TMEM248: variants seen among roughly 807,000 people sequenced by gnomAD.
TMEM248 encodes the protein transmembrane protein 248, also known as UPF0458 protein C7orf42.
TMEM248 carries 9 observed loss-of-function variants against 30.3 expected under a neutral mutation model. That is an observed-to-expected ratio of 0.30 (90% CI 0.18 to 0.52). The LOEUF is 0.52. TMEM248 is among the 20% of genes least tolerant of loss of function. The pLI, the probability that TMEM248 is intolerant of heterozygous loss-of-function variation, is 0.97. For synonymous variants in TMEM248, 184 were observed against 154.4 expected, an observed-to-expected ratio of 1.19 and a Z score of -1.42; for missense variants, 338 against 403.3, an observed-to-expected ratio of 0.84 and a Z score of 1.39.
intron 6 of TMEM248, among the ~76,000 whole-genome samples, chr7:66,955,293 C>G (rs900778410): frequency 1.3e-5 from 2 of 152,272 alleles, no homozygotes; most frequent in Middle Eastern, 3.4e-3. Context: ...ATTCTGTCTC[C>G]GCACAGTGGT....
chr7:66,945,120 C>G lies in TMEM248; in HGVS notation c.304C>G (p.Gln102Glu), dbSNP rs1474933018. ...GGCCCGAGCTTCCACCCAGTCCCCC[C>G]AGGCCCTGGAGGACTCGGGCCCGGT... ...GQARASTQSPQALEDSGPVNI... is the reference protein window; with the variant it reads ...GQARASTQSPEALEDSGPVNI... The change falls in exon 3 of 7, where the codon CAG becomes GAG. Residue 102 changes from glutamine (Q) to glutamate (E), a missense_variant. Coordinates refer to ENST00000341567, the MANE Select transcript of TMEM248 (RefSeq NM_017994.5). The G allele has an allele frequency of 1.2e-6, 2 of 1,614,108 alleles. No individual in the cohort carries two copies. The highest frequency in any genetic ancestry group is 1.7e-6 in the Non-Finnish European group (2 of 1,180,064).
intron 4 of TMEM248, among the ~76,000 whole-genome samples, chr7:66,950,087 G>A (rs562430376): frequency 3.0e-4 from 45 of 152,096 alleles, no homozygotes; most frequent in African/African-American, 1.0e-3. Flanking sequence ...TGGGCTGGGC[G>A]CAATGGCTCA....
intron 1 of TMEM248, among the ~76,000 whole-genome samples, chr7:66,926,045 G>A (rs1791516088): frequency 6.6e-6 from 1 of 152,082 alleles, no homozygotes; most frequent in Non-Finnish European, 1.5e-5. Flanking sequence ...ATTCTCACCA[G>A]CATTTGTTTT....
chr7:66,944,997 C>T lies in TMEM248; in HGVS notation c.181C>T (p.Arg61Trp), dbSNP rs778740378. 3.7e-6 allele frequency: 6 copies of T among 1,614,128 alleles called. No individual in the cohort carries two copies. Among genetic ancestry groups the T allele is most frequent in the South Asian group, 1.1e-5 (1 of 91,080 alleles). Residue 61 changes from arginine (R) to tryptophan (W), a missense_variant, in exon 3 of 7, where the codon CGG becomes TGG. Transcript: ENST00000341567. ...AAAGGATTGGAATACTTTTCTGCTA[C>T]GGTTCAATGATTTGGACTTGTGTGT... ...MAEDWNTFLL[R>W]FNDLDLCVSE...
At position 66,958,310 on chromosome 7, in the gene TMEM248, G is replaced by A. The variant is rs1435001941; in HGVS notation, c.*2788G>A. On this transcript the variant is annotated 3_prime_UTR_variant, in exon 7 of 7. Coordinates refer to ENST00000341567, the MANE Select transcript of TMEM248 (RefSeq NM_017994.5). Reference sequence around the variant, plus strand: ...ATCAGTTTTGATTCTATTTGTAAGTGTTTCTTGTCGTGAGGCACCTGCCAT... The same window carrying A: ...ATCAGTTTTGATTCTATTTGTAAGTATTTCTTGTCGTGAGGCACCTGCCAT... 7.9e-5 allele frequency: 12 copies of A among 152,656 alleles called. No homozygotes were observed. Among genetic ancestry groups the A allele is most frequent in the African/African-American group, 2.9e-4 (12 of 41,466 alleles). The allele number at this position is 152,656 out of a possible 1,614,324, so 9.5% of individuals were successfully genotyped here.
At position 66,956,060 on chromosome 7, in the gene TMEM248, A is replaced by C. The variant is rs1017288486; in HGVS notation, c.*538A>C. 2 of 152,820 alleles carry C rather than the reference A, an allele frequency of 1.3e-5. No homozygotes were observed. Among genetic ancestry groups the C allele is most frequent in the Non-Finnish European group, 2.9e-5 (2 of 68,204 alleles). The allele number at this position is 152,820 out of a possible 1,614,324, so 9.5% of individuals were successfully genotyped here. ...CCTTTTTCTCCATTTTGCTTGCAGG[A>C]AACATACCTTAAGTTTTTTTTGTTT... On this transcript the variant is annotated 3_prime_UTR_variant, in exon 7 of 7. Coordinates refer to ENST00000341567, the MANE Select transcript of TMEM248 (RefSeq NM_017994.5).
At chr7:66,943,897 C>T (rs996288385) in intron 2 of TMEM248, among the ~76,000 whole-genome samples, 4 of 151,800 alleles carry the variant, frequency 2.6e-5, no homozygotes, top group Non-Finnish European at 5.9e-5. Context: ...CCCCTTCAAA[C>T]GATTTTCGTG....
chr7:66,939,691 G>T (rs757481086), intron 1 of TMEM248, among the ~76,000 whole-genome samples: 4 of 151,998 alleles, frequency 2.6e-5, no homozygotes, highest in Non-Finnish European at 4.4e-5. Context: ...AGGGATGACA[G>T]ATAGTAAACA....
At chr7:66,954,641 C>T (rs924912480) in intron 6 of TMEM248, among the ~76,000 whole-genome samples, 1 of 152,080 alleles carries the variant, frequency 6.6e-6, no homozygotes, top group Non-Finnish European at 1.5e-5. Context: ...AAGCAATCCA[C>T]CCACATTGGC....
intron 1 of TMEM248, among the ~76,000 whole-genome samples, chr7:66,925,858 G>A (rs2129220171): frequency 6.6e-6 from 1 of 151,674 alleles, no homozygotes; most frequent in Admixed American, 6.6e-5. Flanking sequence ...GGTCAGGCTG[G>A]TCTTGAACTC....
chr7:66,954,363 T>C (rs1466449955), intron 6 of TMEM248, among the ~76,000 whole-genome samples: 5 of 151,874 alleles, frequency 3.3e-5, no homozygotes, highest in Non-Finnish European at 5.9e-5. Flanking sequence ...TTTTTTCTTT[T>C]GAGTATTTTT....
chr7:66,953,777 T>G (rs1792330722), intron 6 of TMEM248, among the ~76,000 whole-genome samples: 1 of 151,710 alleles, frequency 6.6e-6, no homozygotes, highest in South Asian at 2.1e-4. Flanking sequence ...ACTAAGTTTT[T>G]GCATTTTTAG....
intron 1 of TMEM248, chr7:66,930,485 G>C (rs1346201772): frequency 1.3e-5 from 2 of 152,200 alleles, no homozygotes; most frequent in African/African-American, 2.4e-5. Flanking sequence ...CCCCACTTCT[G>C]TATCAGATGC....
At chr7:66,925,119 C>G (rs1294863560) in intron 1 of TMEM248, among the ~76,000 whole-genome samples, 3 of 152,008 alleles carry the variant, frequency 2.0e-5, no homozygotes, top group Admixed American at 6.6e-5. Context: ...CTCCTGGGCT[C>G]AAGTCATACT....
At chr7:66,942,168 C>A in intron 2 of TMEM248, 144 bp downstream of exon 2, 1 of 884,692 alleles carries the variant, frequency 1.1e-6, no homozygotes, top group South Asian at 2.0e-5. Flanking sequence ...TTTCTGTTTT[C>A]CATCTCCCCA....
intron 1 of TMEM248, 129 bp downstream of exon 1, chr7:66,921,590 A>C (rs1162943120): frequency 6.6e-6 from 1 of 151,722 alleles, no homozygotes; most frequent in Non-Finnish European, 1.5e-5. Context: ...CAGGGTGCAG[A>C]CCCCGCCCCA....
chr7:66,948,889 C>T (rs1792185798), intron 4 of TMEM248, among the ~76,000 whole-genome samples, 195 bp downstream of exon 4: 1 of 152,176 alleles, frequency 6.6e-6, no homozygotes, highest in East Asian at 1.9e-4. Flanking sequence ...AAAGATAGAA[C>T]TTCTGCATAT....
In TMEM248 at chr7:66,944,887, C is replaced by T. The variant is rs540721181; in HGVS notation, c.160-89C>T. 4.7e-5 allele frequency: 65 copies of T among 1,377,978 alleles called. No individual in the cohort carries two copies. The South Asian group carries it at 6.7e-4, about 14-fold the overall frequency. The allele number at this position is 1,377,978 out of a possible 1,614,324, so 85.4% of individuals were successfully genotyped here. On this transcript the variant is annotated intron_variant, in intron 2 of 6. Coordinates refer to ENST00000341567, the MANE Select transcript of TMEM248 (RefSeq NM_017994.5). The stretch of plus-strand genomic sequence containing the variant: ...TGAATTGTAGTTTGCTGATGTGCTG[C>T]GGTGCCACACTGGGGTCTTACCTGT...
At position 66,953,380 on chromosome 7, in the gene TMEM248, G is replaced by C. The variant is rs769899483; in HGVS notation, c.924+11G>C. The C allele has an allele frequency of 6.2e-7, 1 of 1,613,506 alleles. No homozygotes were observed. The highest frequency in any genetic ancestry group is 8.5e-7 in the Non-Finnish European group (1 of 1,179,532). On this transcript the variant is annotated intron_variant, in intron 6 of 6. Transcript: ENST00000341567. ...TTTTGTCCCGAGAAGGTGAGCGGTG[G>C]ATGGGGTCCGGGCCAGCATTTTACT...
Sources: gnomAD v4.1 joint callset for allele counts (sites outside exome capture counted in the v4.1 genomes callset) on GRCh38, gnomAD v4.1.1 for gene constraint, MANE v1.5 for transcripts, NCBI Gene and HGNC (gene_info 2026-07-23, HGNC 2026-07-21) for gene names.